AUH: variants seen among roughly 807,000 people sequenced by gnomAD.
AUH encodes AU RNA binding methylglutaconyl-CoA hydratase, also known as methylglutaconyl-CoA hydratase, mitochondrial.
In AUH, 29 loss-of-function variants were observed where a neutral mutation model predicts 42.3. That is an observed-to-expected ratio of 0.69 (90% CI 0.51 to 0.93). The LOEUF is 0.93. Among genes scored for constraint, AUH ranks in the 40% least tolerant of loss-of-function variants. The pLI is 0.00. For synonymous variants in AUH, 174 were observed against 166.4 expected, an observed-to-expected ratio of 1.05 and a Z score of -0.35; for missense variants, 452 against 438.1, an observed-to-expected ratio of 1.03 and a Z score of -0.28.
chr9:91,286,719 C>G (rs1159625960), intron 6 of AUH, among the ~76,000 whole-genome samples: 1 of 137,156 alleles, frequency 7.3e-6, no homozygotes, highest in Non-Finnish European at 1.6e-5. Flanking sequence ...CCTGAATTCT[C>G]TAAAAAAAAA....
chr9:91,249,590 T>G (rs762097704), intron 6 of AUH, among the ~76,000 whole-genome samples: 41 of 152,324 alleles, frequency 2.7e-4, no homozygotes, highest in Admixed American at 1.7e-3. Context: ...CTCAAATATC[T>G]TCTGTACCTT....
At chr9:91,356,005 G>GAAAAAAAAAAA in intron 2 of AUH, 35 bp from the exon 3 acceptor site, 1 of 1,367,048 alleles carries the variant, frequency 7.3e-7, no homozygotes, top group Admixed American at 2.0e-5. Flanking sequence ...AGGAAAAAGA[G>GAAAAAAAAAAA]AAAAAAAAAA....
At chr9:91,360,511 T>A (rs1295382912) in intron 1 of AUH, 2 of 152,362 alleles carry the variant, frequency 1.3e-5, no homozygotes, top group East Asian at 3.9e-4. Context: ...AGTGGCAATT[T>A]ACATTAACAA....
chr9:91,344,010 T>G (rs565888778), intron 3 of AUH, among the ~76,000 whole-genome samples: 1 of 152,112 alleles, frequency 6.6e-6, no homozygotes, highest in South Asian at 2.1e-4. Flanking sequence ...CAGGCCATGA[T>G]GGAAAGTGGG....
At chr9:91,279,534 T>C (rs911419533) in intron 6 of AUH, among the ~76,000 whole-genome samples, 4 of 152,272 alleles carry the variant, frequency 2.6e-5, no homozygotes, top group African/African-American at 9.6e-5. Context: ...CTTACAATCA[T>C]GGCAGAAGGC....
At chr9:91,288,611 T>A (rs895705191) in intron 6 of AUH, among the ~76,000 whole-genome samples, 3 of 152,152 alleles carry the variant, frequency 2.0e-5, no homozygotes, top group Admixed American at 6.5e-5. Flanking sequence ...ATATATATAT[T>A]ACAAATAAAA....
chr9:91,259,375 T>TCTC (rs57779466), intron 6 of AUH, among the ~76,000 whole-genome samples: 17,356 of 151,986 alleles, frequency 0.11, 1,101 homozygotes, highest in African/African-American at 0.17. Context: ...TTGTGTCCTG[T>TCTC]CTCCCTCTGA....
intron 6 of AUH, among the ~76,000 whole-genome samples, chr9:91,246,293 A>G (rs1476884208): frequency 6.6e-6 from 1 of 152,228 alleles, no homozygotes; most frequent in East Asian, 1.9e-4. Context: ...ACCACGTGGA[A>G]GATTAACAAA....
At chr9:91,326,696 G>C (rs142952006) in intron 3 of AUH, among the ~76,000 whole-genome samples, 44 of 152,290 alleles carry the variant, frequency 2.9e-4, no homozygotes, top group African/African-American at 1.0e-3. Flanking sequence ...GAGTATGACT[G>C]GCAATGGGTA....
intron 4 of AUH, among the ~76,000 whole-genome samples, chr9:91,301,275 C>T (rs970332630): frequency 2.6e-5 from 4 of 152,184 alleles, no homozygotes; most frequent in African/African-American, 7.2e-5. Flanking sequence ...TTATGAAATA[C>T]ATATTTGGTC....
At chr9:91,240,986 G>A (rs1022374809) in intron 6 of AUH, among the ~76,000 whole-genome samples, 11 of 152,178 alleles carry the variant, frequency 7.2e-5, no homozygotes, top group African/African-American at 2.7e-4. Context: ...CTGATGCCTA[G>A]CGATAAGTGC....
chr9:91,258,623 G>C (rs573424348), intron 6 of AUH, among the ~76,000 whole-genome samples: 13 of 152,296 alleles, frequency 8.5e-5, no homozygotes, highest in African/African-American at 3.1e-4. Context: ...GAGTGGACAG[G>C]CTTGTTTACT....
At chr9:91,305,160 A>G (rs1371463044) in intron 4 of AUH, among the ~76,000 whole-genome samples, 1 of 152,196 alleles carries the variant, frequency 6.6e-6, no homozygotes, top group Non-Finnish European at 1.5e-5. Context: ...AGAAGAGAAC[A>G]CCTATAATTT....
At chr9:91,244,727 C>G (rs1157316681) in intron 6 of AUH, among the ~76,000 whole-genome samples, 1 of 152,084 alleles carries the variant, frequency 6.6e-6, no homozygotes, top group Non-Finnish European at 1.5e-5. Context: ...GTATCCTGTT[C>G]CAGGAGAATG....
At chr9:91,216,663 CAAG>C (rs1443929772) in intron 8 of AUH, among the ~76,000 whole-genome samples, 1 of 152,076 alleles carries the variant, frequency 6.6e-6, no homozygotes, top group Admixed American at 6.5e-5. Context: ...CTTAGTCTAC[CAAG>C]AAGGAAGCAC....
chr9:91,303,540 C>A (rs1240661697), intron 4 of AUH, among the ~76,000 whole-genome samples: 1 of 152,162 alleles, frequency 6.6e-6, no homozygotes, highest in African/African-American at 2.4e-5. Context: ...CCGTGTTAGC[C>A]AGGATGGTCT....
chr9:91,327,286 G>A (rs1299294619), intron 3 of AUH, among the ~76,000 whole-genome samples: 2 of 152,172 alleles, frequency 1.3e-5, no homozygotes, highest in Non-Finnish European at 2.9e-5. Context: ...CAACCTTCAA[G>A]CCACTGACAG....
intron 6 of AUH, among the ~76,000 whole-genome samples, chr9:91,229,701 T>TC (rs1189700230): frequency 1.3e-5 from 2 of 152,194 alleles, no homozygotes; most frequent in Admixed American, 1.3e-4. Context: ...TACCAGTTGT[T>TC]CCTTTCCATG....
chr9:91,268,158 T>C (rs1163704417), intron 6 of AUH, among the ~76,000 whole-genome samples: 1 of 152,208 alleles, frequency 6.6e-6, no homozygotes, highest in African/African-American at 2.4e-5. Context: ...CTTTTTACCA[T>C]TAAAACTTTA....
Sources: allele counts gnomAD v4.1 joint callset (sites outside exome capture counted in the v4.1 genomes callset), GRCh38; gene constraint gnomAD v4.1.1; transcripts MANE v1.5; gene names NCBI Gene and HGNC (gene_info 2026-07-23, HGNC 2026-07-21).